SPNS2: variants seen among roughly 807,000 people sequenced by gnomAD.
SPNS2 encodes the protein sphingosine-1-phosphate transporter SPNS2.
Under a neutral mutation model 57.6 loss-of-function variants are expected in SPNS2, and 37 were observed. The observed-to-expected ratio is 0.64, with a 90% CI of 0.49 to 0.85. The LOEUF (loss-of-function observed/expected upper bound fraction) is 0.85, where lower values mean the gene tolerates loss of function less well. Among genes scored for constraint, SPNS2 ranks in the 40% least tolerant of loss-of-function variants. The pLI, the probability that SPNS2 is intolerant of heterozygous loss-of-function variation, is 0.00. For missense variants in SPNS2, 831 were observed against 779.1 expected (o/e 1.07, Z -0.79); for synonymous variants, 440 against 346.9 (o/e 1.27, Z -2.98).
chr17:4,536,340 C>T lies in SPNS2; in HGVS notation c.1521C>T (p.Leu507=). 1 of 1,611,772 alleles carries T rather than the reference C, an allele frequency of 6.2e-7. No homozygotes were observed. Among genetic ancestry groups the T allele is most frequent in the Non-Finnish European group, 8.5e-7 (1 of 1,179,948 alleles). The change falls in exon 11 of 13, where the codon CTC becomes CTT. Residue 507 remains leucine, a synonymous_variant. Transcript: ENST00000329078. ...EFLSLGYALM[L]CPFVVVLGGM... is the part of the protein sequence containing the mutation. Reference sequence around the variant, plus strand: ...TGAGCCTGGGCTACGCGCTCATGCTCTGCCCTTTCGTCGTGGTCCTGGGCG... The same window carrying T: ...TGAGCCTGGGCTACGCGCTCATGCTTTGCCCTTTCGTCGTGGTCCTGGGCG...
chr17:4,506,995 C>G (rs1477842202), intron 1 of SPNS2, among the ~76,000 whole-genome samples: 2 of 152,172 alleles, frequency 1.3e-5, no homozygotes, highest in African/African-American at 2.4e-5. Context: ...CCTGGGGAAG[C>G]CTGGGGGTGA....
In SPNS2 at chr17:4,531,094, C is replaced by A; in HGVS notation, c.767C>A (p.Ala256Asp). ...YITGSSVKQA[A>D]GDWHWALRVS... Reference sequence around the variant, plus strand: ...ACTGGCTCCAGCGTGAAGCAGGCAGCCGGAGACTGGCACTGGGCATTGCGG... The same window carrying A: ...ACTGGCTCCAGCGTGAAGCAGGCAGACGGAGACTGGCACTGGGCATTGCGG... The change falls in exon 5 of 13, where the codon GCC becomes GAC. Residue 256 changes from alanine to aspartate, a missense_variant. By Grantham distance (126) the Ala-to-Asp change is moderately radical. Around this residue, in one of 2 missense-constraint regions of SPNS2, gnomAD observed 305 missense variants for 378.3 expected, o/e 0.81. Transcript: ENST00000329078. 1 of 1,614,030 alleles carries A rather than the reference C, an allele frequency of 6.2e-7. No individual in the cohort carries two copies. The highest frequency in any genetic ancestry group is 8.5e-7 in the Non-Finnish European group (1 of 1,180,000).
At chr17:4,513,692 C>T (rs374707218) in intron 2 of SPNS2, among the ~76,000 whole-genome samples, 3 of 152,184 alleles carry the variant, frequency 2.0e-5, no homozygotes, top group South Asian at 2.1e-4. Flanking sequence ...CCAGCAGAGC[C>T]GTGGTGACCC....
chr17:4,509,210 G>A (rs1904766970), intron 1 of SPNS2, among the ~76,000 whole-genome samples: 1 of 152,198 alleles, frequency 6.6e-6, no homozygotes, highest in Non-Finnish European at 1.5e-5. Context: ...CAGGGGTTGA[G>A]CCTCCAGGAG....
intron 2 of SPNS2, among the ~76,000 whole-genome samples, chr17:4,518,776 C>T (rs987560039): frequency 5.3e-5 from 8 of 152,196 alleles, no homozygotes; most frequent in South Asian, 2.1e-4. Context: ...TCTCCCCTCC[C>T]GTCTTTGGCC....
intron 8 of SPNS2, 73 bp from the exon 9 acceptor site, chr17:4,533,715 G>A (rs949774740): frequency 4.6e-5 from 71 of 1,538,744 alleles, no homozygotes; most frequent in Non-Finnish European, 6.0e-5. Context: ...AGCAGCCAGT[G>A]TGTAGGGAAC....
At chr17:4,516,124 T>C (rs980570542) in intron 2 of SPNS2, among the ~76,000 whole-genome samples, 2 of 151,848 alleles carry the variant, frequency 1.3e-5, no homozygotes, top group South Asian at 4.2e-4. Context: ...GACCAGCCTG[T>C]CCAACATAGT....
rs774569622 is a variant in SPNS2, at chr17:4,513,331, CT to C, written c.436+21del. 5.0e-6 allele frequency: 8 copies of C among 1,613,046 alleles called. No homozygotes were observed. The East Asian group carries it at 1.8e-4, about 36-fold the overall frequency. On this transcript the variant is annotated intron_variant, in intron 2 of 12. Transcript: ENST00000329078. ...CAGTCAGGTGAGGCCCACCTCCCAC[CT>C]TCCCCCCCACGCCCAGGCGTTGGCG...
At chr17:4,533,624 T>C in intron 8 of SPNS2, 164 bp from the exon 9 acceptor site, 1 of 1,030,772 alleles carries the variant, frequency 9.7e-7, no homozygotes, top group Non-Finnish European at 1.4e-6. Context: ...CTCAGGGCCG[T>C]GGGCATGGCT....
At chr17:4,518,401 G>A (rs1905051167) in intron 2 of SPNS2, among the ~76,000 whole-genome samples, 2 of 152,350 alleles carry the variant, frequency 1.3e-5, no homozygotes, top group South Asian at 2.1e-4. Context: ...GCGGGTGCCT[G>A]TAATCCCGCT....
At chr17:4,517,516 G>A (rs990818010) in intron 2 of SPNS2, among the ~76,000 whole-genome samples, 1 of 152,154 alleles carries the variant, frequency 6.6e-6, no homozygotes, top group Non-Finnish European at 1.5e-5. Flanking sequence ...AATTAGCTGG[G>A]CATGGTGTGG....
chr17:4,537,594 G>A lies in SPNS2; in HGVS notation c.*146G>A, dbSNP rs992211496. 1.1e-5 allele frequency: 5 copies of A among 456,574 alleles called. No homozygotes were observed. Among genetic ancestry groups the A allele is most frequent in the Non-Finnish European group, 2.2e-5 (5 of 226,962 alleles). The allele number at this position is 456,574 out of a possible 1,614,324, so 28.3% of individuals were successfully genotyped here. A position where few individuals can be genotyped will look rare whatever the true frequency, so the allele number is the denominator to read the frequency against. On this transcript the variant is annotated 3_prime_UTR_variant, in exon 13 of 13. Coordinates refer to ENST00000329078, the MANE Select transcript of SPNS2 (RefSeq NM_001124758.3). ...ACCCTCTCTGGCCCAGGCCTGCTGA[G>A]TGGCCCTGGCATCAAGAAGAGGCTG...
At chr17:4,530,519 C>T in intron 3 of SPNS2, 113 bp from the exon 4 acceptor site, 3 of 1,319,066 alleles carry the variant, frequency 2.3e-6, no homozygotes, top group Non-Finnish European at 3.2e-6. Flanking sequence ...CACCCTCACC[C>T]TTCTCTCCCC....
chr17:4,527,680 A>G (rs1905295997), intron 3 of SPNS2, among the ~76,000 whole-genome samples: 1 of 152,216 alleles, frequency 6.6e-6, no homozygotes, highest in African/African-American at 2.4e-5. Flanking sequence ...AATGCAAATT[A>G]GAACAACAAT....
intron 2 of SPNS2, among the ~76,000 whole-genome samples, chr17:4,518,000 A>G (rs1905038091): frequency 6.6e-6 from 1 of 152,270 alleles, no homozygotes; most frequent in African/African-American, 2.4e-5. Context: ...GCGTCAATGC[A>G]ACACAGGGAA....
intron 2 of SPNS2, among the ~76,000 whole-genome samples, chr17:4,518,842 C>A (rs1291774690): frequency 6.6e-6 from 1 of 152,228 alleles, no homozygotes; most frequent in Non-Finnish European, 1.5e-5. Flanking sequence ...GCCGGGCAGC[C>A]CCTGCGGCTG....
intron 2 of SPNS2, among the ~76,000 whole-genome samples, chr17:4,523,386 G>A (rs764225731): frequency 1.4e-4 from 21 of 152,178 alleles, no homozygotes; most frequent in African/African-American, 2.7e-4. Context: ...TGCAGTGAGC[G>A]GAAATCGCAC....
intron 1 of SPNS2, among the ~76,000 whole-genome samples, chr17:4,502,700 G>A (rs1038879320): frequency 6.6e-6 from 1 of 152,194 alleles, no homozygotes; most frequent in Non-Finnish European, 1.5e-5. Flanking sequence ...GAGCACCTGG[G>A]ACGGGGCCAG....
intron 2 of SPNS2, among the ~76,000 whole-genome samples, chr17:4,513,554 G>A (rs1904907907): frequency 6.6e-6 from 1 of 152,218 alleles, no homozygotes; most frequent in Non-Finnish European, 1.5e-5. Context: ...GGCAGGTAAA[G>A]GAGAGTGCAG....
Sources: gnomAD v4.1 joint callset for allele counts (sites outside exome capture counted in the v4.1 genomes callset) on GRCh38, gnomAD v4.1.1 for gene constraint, gnomAD v4.1.1 regional missense constraint, MANE v1.5 for transcripts, NCBI Gene and HGNC (gene_info 2026-07-23, HGNC 2026-07-21) for gene names.